Variants in FRMD4A observed in about 807,000 individuals in gnomAD.
FRMD4A encodes the protein FERM domain-containing protein 4A.
A neutral mutation model predicts 129.1 loss-of-function variants in FRMD4A; 29 were observed. That is an observed-to-expected ratio of 0.22 (90% CI 0.17 to 0.31). FRMD4A has a LOEUF of 0.31. FRMD4A is among the 10% of genes least tolerant of loss of function. The probability of loss-of-function intolerance (pLI) is 1.00; values close to 1 mark genes in which losing one functional copy is unlikely to be tolerated. For synonymous variants in FRMD4A, 634 were observed against 571.6 expected, an observed-to-expected ratio of 1.11 and a Z score of -1.56; for missense variants, 1,272 against 1,375.8, an observed-to-expected ratio of 0.92 and a Z score of 1.19.
chr10:14,192,169 T>A (rs1471484664), intron 2 of FRMD4A, among the ~76,000 whole-genome samples: 1 of 152,238 alleles, frequency 6.6e-6, no homozygotes, highest in Non-Finnish European at 1.5e-5. Context: ...CTGACTTTTC[T>A]AGGCTTTATA....
intron 15 of FRMD4A, among the ~76,000 whole-genome samples, chr10:13,689,729 ATT>A (rs34481268): frequency 6.9e-6 from 1 of 145,220 alleles, no homozygotes; most frequent in Non-Finnish European, 1.5e-5. Flanking sequence ...TATTAAGAAG[ATT>A]TTTTTTTTTT....
intron 5 of FRMD4A, among the ~76,000 whole-genome samples, chr10:13,792,316 T>C (rs1056395457): frequency 6.6e-6 from 1 of 151,978 alleles, no homozygotes; most frequent in African/African-American, 2.4e-5. Flanking sequence ...CTCCTGGCCC[T>C]GCCTATACAG....
intron 2 of FRMD4A, among the ~76,000 whole-genome samples, chr10:14,238,017 G>T (rs965412860): frequency 1.3e-5 from 2 of 152,166 alleles, no homozygotes; most frequent in Non-Finnish European, 2.9e-5. Context: ...CTGCCTCTCT[G>T]CTCAGTGTCT....
intron 2 of FRMD4A, among the ~76,000 whole-genome samples, chr10:14,156,476 T>C (rs1840608990): frequency 6.6e-6 from 1 of 152,346 alleles, no homozygotes; most frequent in East Asian, 1.9e-4. Flanking sequence ...TTATTTTTAT[T>C]ACAAACATAT....
At chr10:14,052,722 C>T (rs1353809790) in intron 2 of FRMD4A, among the ~76,000 whole-genome samples, 2 of 110,532 alleles carry the variant, frequency 1.8e-5, no homozygotes, top group Non-Finnish European at 4.5e-5. Flanking sequence ...CCATAACTGG[C>T]TATTTTTTTT....
intron 15 of FRMD4A, among the ~76,000 whole-genome samples, chr10:13,682,128 A>T (rs1214471048): frequency 6.6e-6 from 1 of 151,954 alleles, no homozygotes; most frequent in Admixed American, 6.6e-5. Context: ...GGAGGCTGAG[A>T]TGGGAGAATT....
intron 2 of FRMD4A, among the ~76,000 whole-genome samples, chr10:14,247,558 C>G (rs1021930592): frequency 2.6e-5 from 4 of 152,190 alleles, no homozygotes; most frequent in African/African-American, 4.8e-5. Flanking sequence ...TCTCTCTTCA[C>G]TCCACAGTCA....
chr10:13,983,938 G>A lies in FRMD4A; in HGVS notation c.46-125026C>T, dbSNP rs1220424740. Among the ~76,000 whole-genome samples, 3 of 152,000 alleles carry A rather than the reference G, an allele frequency of 2.0e-5. No homozygotes were observed. The East Asian group carries it at 5.8e-4, about 29-fold the overall frequency. On this transcript the variant is annotated intron_variant, in intron 2 of 24. Coordinates refer to ENST00000357447, the MANE Select transcript of FRMD4A (RefSeq NM_018027.5). ...GAATCGCTTGAACCTGGGAGGCAGAGGTTGCAGTGAGCCGAGACTGCGCCA... is the reference window on the plus strand; with the variant it reads ...GAATCGCTTGAACCTGGGAGGCAGAAGTTGCAGTGAGCCGAGACTGCGCCA...
chr10:13,944,298 T>G (rs1486357527), intron 2 of FRMD4A, among the ~76,000 whole-genome samples: 3 of 152,076 alleles, frequency 2.0e-5, no homozygotes, highest in Admixed American at 2.0e-4. Flanking sequence ...CGAACCCTGT[T>G]CGTGAACTGT....
chr10:13,904,259 T>C (rs1309275750), intron 2 of FRMD4A, among the ~76,000 whole-genome samples: 1 of 151,808 alleles, frequency 6.6e-6, no homozygotes, highest in Admixed American at 6.6e-5. Context: ...AGGAGAACGC[T>C]CCTACAGGCC....
At chr10:13,739,958 G>T (rs571654037) in intron 11 of FRMD4A, among the ~76,000 whole-genome samples, 8 of 152,318 alleles carry the variant, frequency 5.3e-5, no homozygotes, top group African/African-American at 1.2e-4. Flanking sequence ...AAATTAGCTG[G>T]GTGTGGTGGC....
intron 6 of FRMD4A, among the ~76,000 whole-genome samples, chr10:13,768,080 A>ATG (rs36052011): frequency 0.24 from 35,288 of 149,910 alleles, 4,331 homozygotes; most frequent in Non-Finnish European, 0.27. Flanking sequence ...GTCTGCAGGT[A>ATG]TGTGTGTGTG....
intron 2 of FRMD4A, among the ~76,000 whole-genome samples, chr10:14,164,789 G>A (rs992357130): frequency 6.6e-6 from 1 of 152,196 alleles, no homozygotes; most frequent in African/African-American, 2.4e-5. Flanking sequence ...ATCAGGTCAA[G>A]TTTGTCCAAC....
chr10:14,261,941 AAC>A (rs55763234), intron 2 of FRMD4A, among the ~76,000 whole-genome samples: 6,278 of 128,112 alleles, frequency 0.049, 149 homozygotes, highest in African/African-American at 0.05. Flanking sequence ...CACCACACCA[AAC>A]ACACACACAC....
intron 2 of FRMD4A, among the ~76,000 whole-genome samples, chr10:13,894,913 A>G (rs529151134): frequency 1.3e-5 from 2 of 152,350 alleles, no homozygotes; most frequent in South Asian, 4.1e-4. Context: ...TAGCTGTGCA[A>G]GCTTAGGCAA....
intron 2 of FRMD4A, among the ~76,000 whole-genome samples, chr10:14,075,599 G>A (rs1298905912): frequency 6.6e-6 from 1 of 152,186 alleles, no homozygotes; most frequent in African/African-American, 2.4e-5. Flanking sequence ...ATATGAAAGC[G>A]TAAAGTTTCA....
chr10:14,304,469 G>A (rs906263464), intron 2 of FRMD4A, among the ~76,000 whole-genome samples: 3 of 152,132 alleles, frequency 2.0e-5, no homozygotes, highest in Non-Finnish European at 4.4e-5. Context: ...CTGATTTCTT[G>A]CTTCATCATA....
chr10:14,256,912 G>T (rs1317964343), intron 2 of FRMD4A, among the ~76,000 whole-genome samples: 1 of 152,028 alleles, frequency 6.6e-6, no homozygotes, highest in Non-Finnish European at 1.5e-5. Flanking sequence ...CATGTATAGA[G>T]CAATTTAAGA....
chr10:13,766,505 C>T (rs966980798), intron 6 of FRMD4A, among the ~76,000 whole-genome samples: 15 of 152,266 alleles, frequency 9.9e-5, no homozygotes, highest in African/African-American at 3.1e-4. Context: ...TTTCTGACCT[C>T]GCCTATTTAA....
Sources: allele counts gnomAD v4.1 joint callset (sites outside exome capture counted in the v4.1 genomes callset), GRCh38; gene constraint gnomAD v4.1.1; transcripts MANE v1.5; gene names NCBI Gene and HGNC (gene_info 2026-07-23, HGNC 2026-07-21).